Variants in FBXL17 observed in about 807,000 individuals in gnomAD.
FBXL17 encodes the protein F-box/LRR-repeat protein 17.
FBXL17 carries 22 observed loss-of-function variants against 66.2 expected under a neutral mutation model. The observed-to-expected ratio is 0.33, with a 90% CI of 0.24 to 0.47. FBXL17 has a LOEUF of 0.47. FBXL17 is among the 20% of genes least tolerant of loss of function. The pLI is 1.00. For synonymous variants in FBXL17, 474 were observed against 400.5 expected (o/e 1.18, Z -2.19); for missense variants, 878 against 948.2 (o/e 0.93, Z 0.97).
chr5:108,381,048 C>T lies in FBXL17; in HGVS notation c.644G>A (p.Cys215Tyr), dbSNP rs1175168333. ...PACTPCKQPR[C>Y]GGGGCGGGGG... Reference sequence around the variant, plus strand: ...GCCGCCGCCGCAGCCCCCGCCGCCGCAGCGGGGCTGCTTGCAGGGGGTGCA... The same window carrying T: ...GCCGCCGCCGCAGCCCCCGCCGCCGTAGCGGGGCTGCTTGCAGGGGGTGCA... Residue 215 changes from cysteine to tyrosine, a missense_variant, in exon 1 of 9, where the codon TGC (cysteine) becomes TAC (tyrosine). This residue lies in a region of FBXL17 where 605 missense variants were observed against 509.5 expected (regional missense o/e 1.19). Coordinates refer to ENST00000542267, the MANE Select transcript of FBXL17 (RefSeq NM_001163315.3). 2 of 1,211,138 alleles carry T rather than the reference C, an allele frequency of 1.7e-6. No homozygotes were observed. The highest frequency in any genetic ancestry group is 3.2e-5 in the African/African-American group (2 of 63,258). The allele number at this position is 1,211,138 out of a possible 1,614,324, so 75.0% of individuals were successfully genotyped here.
At chr5:108,271,997 A>T (rs1302359432) in intron 4 of FBXL17, among the ~76,000 whole-genome samples, 5 of 152,202 alleles carry the variant, frequency 3.3e-5, no homozygotes, top group Non-Finnish European at 7.3e-5. Flanking sequence ...TGGCACATAA[A>T]AAGCAACCAA....
intron 4 of FBXL17, among the ~76,000 whole-genome samples, chr5:108,284,410 G>C (rs889177446): frequency 6.6e-6 from 1 of 151,828 alleles, no homozygotes; most frequent in Non-Finnish European, 1.5e-5. Flanking sequence ...AACATGGATG[G>C]AACTGGACGT....
chr5:108,314,092 T>A (rs1356536192), intron 4 of FBXL17, among the ~76,000 whole-genome samples: 1 of 151,806 alleles, frequency 6.6e-6, no homozygotes, highest in African/African-American at 2.4e-5. Context: ...TATTTTCTAT[T>A]ACTTCAAAAT....
rs1748081142 is a variant in FBXL17 at position 108,357,570 on chromosome 5, CCACATTCCAGGCCATAAAACA to C, written c.1374+7147_1374+7167del. 2.0e-5 allele frequency among the ~76,000 whole-genome samples: 3 copies of C among 152,076 alleles called. No individual in the cohort carries two copies. In the South Asian group the frequency reaches 6.2e-4, roughly 32 times the overall value. Reference sequence around the variant, plus strand: ...CACATGGAATATTCACCAAAACAAACCACATTCCAGGCCATAAAACACACATTCACAAATTTAAAAGAATAA... The same window carrying C: ...CACATGGAATATTCACCAAAACAAACCACATTCACAAATTTAAAAGAATAA... On this transcript the variant is annotated intron_variant, in intron 3 of 8. Transcript: ENST00000542267.
intron 4 of FBXL17, among the ~76,000 whole-genome samples, chr5:108,322,111 G>C (rs1759647425): frequency 6.6e-6 from 1 of 151,798 alleles, no homozygotes; most frequent in South Asian, 2.1e-4. Context: ...ATGCAAAATG[G>C]CATAATCTCT....
At chr5:108,353,339 T>C (rs2112503983) in intron 3 of FBXL17, among the ~76,000 whole-genome samples, 1 of 152,074 alleles carries the variant, frequency 6.6e-6, no homozygotes, top group Non-Finnish European at 1.5e-5. Context: ...AGGGCTAGAG[T>C]AGGAAAACCT....
At chr5:108,068,380 C>T (rs1259560837) in intron 6 of FBXL17, among the ~76,000 whole-genome samples, 1 of 150,520 alleles carries the variant, frequency 6.6e-6, no homozygotes, top group African/African-American at 2.4e-5. Flanking sequence ...TTTGTTAAAA[C>T]TAGTCCCCCA....
At chr5:108,330,198 G>T (rs948957287) in intron 4 of FBXL17, among the ~76,000 whole-genome samples, 1 of 151,822 alleles carries the variant, frequency 6.6e-6, no homozygotes, top group African/African-American at 2.4e-5. Flanking sequence ...AGTTTTCTAG[G>T]GTATAAAATA....
chr5:107,864,119 T>C (rs7730156), intron 8 of FBXL17, among the ~76,000 whole-genome samples: 42,522 of 152,134 alleles, frequency 0.28, 7,802 homozygotes, highest in African/African-American at 0.51. Context: ...AGGACTGTTA[T>C]AGCGATTAAA....
intron 6 of FBXL17, among the ~76,000 whole-genome samples, chr5:108,176,225 A>G (rs887607111): frequency 2.6e-5 from 4 of 152,200 alleles, no homozygotes; most frequent in African/African-American, 9.6e-5. Context: ...TATAAAATGT[A>G]TCTCATTCTT....
intron 7 of FBXL17, among the ~76,000 whole-genome samples, chr5:107,914,190 G>A (rs1044516783): frequency 6.6e-6 from 1 of 152,268 alleles, no homozygotes; most frequent in East Asian, 1.9e-4. Flanking sequence ...TCAAATCAGA[G>A]AGTATAGTCA....
At chr5:107,986,432 A>C (rs1445245995) in intron 7 of FBXL17, among the ~76,000 whole-genome samples, 1 of 151,726 alleles carries the variant, frequency 6.6e-6, no homozygotes, top group Non-Finnish European at 1.5e-5. Flanking sequence ...GAACAACATA[A>C]CACAAACCTA....
chr5:107,864,858 T>C (rs1748227089), intron 8 of FBXL17, among the ~76,000 whole-genome samples: 1 of 152,226 alleles, frequency 6.6e-6, no homozygotes, highest in Admixed American at 6.5e-5. Context: ...GCTATTCCTT[T>C]ATAGTAATAC....
intron 7 of FBXL17, among the ~76,000 whole-genome samples, chr5:108,018,512 A>G (rs1037076702): frequency 2.6e-5 from 4 of 152,180 alleles, no homozygotes; most frequent in Non-Finnish European, 5.9e-5. Context: ...GTTTAATTTT[A>G]TAATCAAATA....
At chr5:108,119,478 A>T (rs1390062189) in intron 6 of FBXL17, among the ~76,000 whole-genome samples, 1 of 152,204 alleles carries the variant, frequency 6.6e-6, no homozygotes, top group Non-Finnish European at 1.5e-5. Context: ...TGGAAGCAGC[A>T]TAATAGGGCC....
chr5:108,245,398 T>G (rs1458823215), intron 4 of FBXL17, among the ~76,000 whole-genome samples: 3 of 152,190 alleles, frequency 2.0e-5, no homozygotes, highest in Admixed American at 2.0e-4. Flanking sequence ...ACAAACACCC[T>G]GATGTATGAA....
At chr5:108,275,819 T>G (rs1165758378) in intron 4 of FBXL17, among the ~76,000 whole-genome samples, 2 of 152,200 alleles carry the variant, frequency 1.3e-5, no homozygotes, top group African/African-American at 2.4e-5. Flanking sequence ...GCCTCAGCTG[T>G]GCTTAATGAA....
intron 4 of FBXL17, among the ~76,000 whole-genome samples, chr5:108,272,937 T>A (rs760692690): frequency 6.6e-6 from 1 of 152,218 alleles, no homozygotes; most frequent in Non-Finnish European, 1.5e-5. Flanking sequence ...TCTTTTCTAT[T>A]TTCCCTAAGT....
At chr5:107,878,161 T>C (rs115215013) in intron 8 of FBXL17, 1 of 801,358 alleles carries the variant, frequency 1.2e-6, no homozygotes, top group Non-Finnish European at 1.5e-6. Flanking sequence ...GACATATTTG[T>C]ATAAAAAATA....
Sources: gnomAD v4.1 joint callset for allele counts (sites outside exome capture counted in the v4.1 genomes callset) on GRCh38, gnomAD v4.1.1 for gene constraint, gnomAD v4.1.1 regional missense constraint, MANE v1.5 for transcripts, NCBI Gene and HGNC (gene_info 2026-07-23, HGNC 2026-07-21) for gene names.